Variants in SHC3 observed in about 807,000 individuals in gnomAD.
SHC3 encodes the protein SHC adaptor protein 3, also known as SHC-transforming protein 3.
SHC3 carries 15 observed loss-of-function variants against 60.4 expected under a neutral mutation model. The ratio of observed to expected loss-of-function variants is 0.25; its 90% confidence interval spans 0.17 to 0.38. The LOEUF is 0.38. Among genes scored for constraint, SHC3 ranks in the 10% least tolerant of loss-of-function variants. The pLI is 1.00. For missense variants in SHC3, 677 were observed against 786.1 expected (o/e 0.86, Z 1.66); for synonymous variants, 294 against 325.9 (o/e 0.90, Z 1.05).
chr9:89,022,377 C>T (rs899020825), intron 11 of SHC3, among the ~76,000 whole-genome samples: 1 of 152,134 alleles, frequency 6.6e-6, no homozygotes, highest in African/African-American at 2.4e-5. Flanking sequence ...CCACCGTCAC[C>T]TGTGGCTTTG....
In SHC3 at chr9:89,169,751, C is replaced by T. The variant is rs140204787; in HGVS notation, c.474+8236G>A. Among the ~76,000 whole-genome samples the T allele has an allele frequency of 1.6e-4, 24 of 152,240 alleles. No individual in the cohort carries two copies. The East Asian group carries it at 3.3e-3, about 21-fold the overall frequency. The stretch of plus-strand genomic sequence containing the variant: ...GCTGATGGCTGTTGAAGTTGGGTGG[C>T]GGGCCATTTGTCCCTGGGGCCTCAT... On this transcript the variant is annotated intron_variant, in intron 1 of 11. Coordinates refer to ENST00000375835, the MANE Select transcript of SHC3 (RefSeq NM_016848.6).
At chr9:89,040,124 C>G (rs1797033294) in intron 10 of SHC3, among the ~76,000 whole-genome samples, 1 of 146,830 alleles carries the variant, frequency 6.8e-6, no homozygotes, top group African/African-American at 2.5e-5. Context: ...TCACCACCAC[C>G]AGCACCATCA....
At chr9:89,172,336 T>C (rs1826880843) in intron 1 of SHC3, among the ~76,000 whole-genome samples, 1 of 152,178 alleles carries the variant, frequency 6.6e-6, no homozygotes, top group Non-Finnish European at 1.5e-5. Flanking sequence ...GGACCCTCAG[T>C]GGATCCTTGT....
chr9:89,036,699 C>T (rs1307917102), intron 11 of SHC3, among the ~76,000 whole-genome samples: 4 of 152,102 alleles, frequency 2.6e-5, no homozygotes, highest in African/African-American at 7.2e-5. Flanking sequence ...AAGGAAGAAA[C>T]AAAATGGGAT....
intron 6 of SHC3, among the ~76,000 whole-genome samples, chr9:89,059,542 A>C (rs1825031281): frequency 7.4e-6 from 1 of 135,638 alleles, no homozygotes; most frequent in African/African-American, 2.9e-5. Flanking sequence ...GTGGTGTAGG[A>C]TGTGGTGGAG....
intron 1 of SHC3, among the ~76,000 whole-genome samples, chr9:89,117,611 AAAG>A (rs1476854000): frequency 6.6e-6 from 1 of 152,156 alleles, no homozygotes; most frequent in Non-Finnish European, 1.5e-5. Flanking sequence ...TTTTGGGAAA[AAAG>A]AAAATTATGA....
chr9:89,080,971 T>C (rs762143684), intron 2 of SHC3, among the ~76,000 whole-genome samples: 1 of 152,052 alleles, frequency 6.6e-6, no homozygotes, highest in African/African-American at 2.4e-5. Flanking sequence ...TTTCACCGTA[T>C]TAGCCAGGAT....
At chr9:89,072,074 T>C (rs140208716) in intron 4 of SHC3, among the ~76,000 whole-genome samples, 2 of 152,352 alleles carry the variant, frequency 1.3e-5, no homozygotes, top group African/African-American at 2.4e-5. Context: ...ACTGATTAAG[T>C]ATACTCTTAT....
intron 1 of SHC3, among the ~76,000 whole-genome samples, chr9:89,128,781 A>T (rs1300158294): frequency 6.6e-6 from 1 of 152,310 alleles, no homozygotes; most frequent in Non-Finnish European, 1.5e-5. Flanking sequence ...AGGTAGATAA[A>T]ACTACAAAGA....
At chr9:89,105,572 A>G (rs1253933118) in intron 2 of SHC3, among the ~76,000 whole-genome samples, 1 of 152,230 alleles carries the variant, frequency 6.6e-6, no homozygotes, top group East Asian at 1.9e-4. Context: ...TCCCCATAAC[A>G]GAAGGTAAGC....
intron 11 of SHC3, among the ~76,000 whole-genome samples, chr9:89,035,538 A>G (rs774858968): frequency 2.0e-5 from 3 of 152,172 alleles, no homozygotes; most frequent in Middle Eastern, 3.2e-3. Context: ...TCCAGCACCC[A>G]GAAACAGACC....
Position 89,124,618 on chromosome 9 carries a change from A to G in SHC3, c.475-11992T>C, listed in dbSNP as rs184465403. Among the ~76,000 whole-genome samples, 586 of 152,286 alleles carry G rather than the reference A, an allele frequency of 3.8e-3. 2 individuals are homozygous for G. Among genetic ancestry groups the G allele is most frequent in the Middle Eastern group, 0.024 (7 of 294 alleles). On this transcript the variant is annotated intron_variant, in intron 1 of 11. Coordinates refer to ENST00000375835, the MANE Select transcript of SHC3 (RefSeq NM_016848.6). ...AACCAAACACTGCACGTTCTCACTC[A>G]TAAGTGGGAGTTGAACAACAAGAAC...
chr9:89,050,772 A>G (rs1824849146), intron 7 of SHC3, among the ~76,000 whole-genome samples: 1 of 152,148 alleles, frequency 6.6e-6, no homozygotes. Flanking sequence ...ATTAACTACT[A>G]TGTCCCATTA....
At chr9:89,035,733 G>T (rs773880249) in intron 11 of SHC3, among the ~76,000 whole-genome samples, 1 of 151,578 alleles carries the variant, frequency 6.6e-6, no homozygotes, top group Non-Finnish European at 1.5e-5. Context: ...AAGGCAGGTG[G>T]ATCACCTGAG....
intron 1 of SHC3, among the ~76,000 whole-genome samples, chr9:89,163,725 C>A (rs943447872): frequency 1.5e-4 from 23 of 150,924 alleles, no homozygotes; most frequent in African/African-American, 5.4e-4. Context: ...GCACATGTAC[C>A]CTAAAACTTA....
chr9:89,111,001 C>G (rs551032115), intron 2 of SHC3, among the ~76,000 whole-genome samples: 54 of 152,302 alleles, frequency 3.5e-4, no homozygotes, highest in Admixed American at 1.1e-3. Context: ...CACCCCACCA[C>G]TACCCCAAGG....
intron 1 of SHC3, among the ~76,000 whole-genome samples, chr9:89,169,240 G>A (rs1162773976): frequency 6.6e-6 from 1 of 152,132 alleles, no homozygotes; most frequent in Non-Finnish European, 1.5e-5. Context: ...GTTGAGAGGT[G>A]TGACTCCCAC....
At chr9:89,064,779 G>A (rs2117976644) in intron 6 of SHC3, among the ~76,000 whole-genome samples, 1 of 152,274 alleles carries the variant, frequency 6.6e-6, no homozygotes, top group South Asian at 2.1e-4. Context: ...TCATTTGTAT[G>A]AAAATGTTAA....
chr9:89,087,538 G>T (rs1825551862), intron 2 of SHC3, among the ~76,000 whole-genome samples: 2 of 152,160 alleles, frequency 1.3e-5, no homozygotes, highest in South Asian at 4.1e-4. Context: ...AGAGCCAGGG[G>T]ATCCCACATG....
Sources: allele counts gnomAD v4.1 joint callset (sites outside exome capture counted in the v4.1 genomes callset), GRCh38; gene constraint gnomAD v4.1.1; transcripts MANE v1.5; gene names NCBI Gene and HGNC (gene_info 2026-07-23, HGNC 2026-07-21).